ATP7B: variants seen among roughly 807,000 people sequenced by gnomAD.
ATP7B encodes ATPase copper transporting beta, also known as copper-transporting ATPase 2.
A neutral mutation model predicts 118.9 loss-of-function variants in ATP7B; 113 were observed. That is an observed-to-expected ratio of 0.95 (90% CI 0.82 to 1.11). The LOEUF (loss-of-function observed/expected upper bound fraction) is 1.11, where lower values mean the gene tolerates loss of function less well. Among genes scored for constraint, ATP7B ranks in the 50% most tolerant of loss-of-function variants. The pLI, the probability that ATP7B is intolerant of heterozygous loss-of-function variation, is 0.00. For synonymous variants in ATP7B, 777 were observed against 727.4 expected (o/e 1.07, Z -1.10); for missense variants, 1,867 against 1,871.4 (o/e 1.00, Z 0.04).
chr13:51,995,303 A>G, intron 1 of ATP7B: 1 of 985,338 alleles, frequency 1.0e-6, no homozygotes, highest in Non-Finnish European at 1.2e-6. Context: ...CCCATCTGCA[A>G]TTGCACTGAC....
At chr13:51,982,902 C>A (rs780933285) in intron 1 of ATP7B, among the ~76,000 whole-genome samples, 4 of 152,222 alleles carry the variant, frequency 2.6e-5, no homozygotes, top group Non-Finnish European at 5.9e-5. Flanking sequence ...ACTTTTCCCA[C>A]GGTCTTCACA....
chr13:52,003,566 G>A (rs528411453), intron 1 of ATP7B, among the ~76,000 whole-genome samples: 4 of 152,112 alleles, frequency 2.6e-5, no homozygotes, highest in African/African-American at 7.2e-5. Flanking sequence ...AGTATATGCT[G>A]TTACACAAAT....
In ATP7B at chr13:51,957,589, G is replaced by A. The variant is rs757244072; in HGVS notation, c.2374C>T (p.Leu792=). ...HLAKSKTSEA[L]AKLMSLQATE... ...GCTTGGAGAGACATGAGTTTAGCCA[G>A]GGCTTCTGAGGTTTTGCTCTAGGAA... Residue 792 remains leucine (L), a synonymous_variant, in exon 9 of 21, where the codon CTG becomes TTG. Transcript: ENST00000242839. 3.8e-5 allele frequency: 62 copies of A among 1,614,050 alleles called. No homozygotes were observed. The highest frequency in any genetic ancestry group is 5.3e-5 in the Non-Finnish European group (62 of 1,179,982).
intron 2 of ATP7B, among the ~76,000 whole-genome samples, chr13:51,972,607 C>T (rs1026360859): frequency 2.0e-5 from 3 of 152,170 alleles, no homozygotes; most frequent in Non-Finnish European, 4.4e-5. Context: ...CTTTCTCACC[C>T]GGCCTCCTAC....
chr13:52,011,579 G>T (rs770223177), upstream of ATP7B: 653 of 616,794 alleles, frequency 1.1e-3, 2 homozygotes, highest in Middle Eastern at 3.4e-3. Flanking sequence ...TCCCGACCTG[G>T]GGGCACGGGG....
At chr13:51,954,011 G>A (rs1958181418) in intron 9 of ATP7B, among the ~76,000 whole-genome samples, 1 of 152,174 alleles carries the variant, frequency 6.6e-6, no homozygotes, top group African/African-American at 2.4e-5. Context: ...CACCCGCCAT[G>A]TTTACATCCC....
In ATP7B at chr13:51,979,159, T is replaced by A. The variant is rs556144096; in HGVS notation, c.52-3991A>T. ...AAACCTCTGCTTGCATCACACTTGC[T>A]AACACCCATTGGCCAAAACCAGTCA... On this transcript the variant is annotated intron_variant, in intron 1 of 20. Coordinates refer to ENST00000242839, the MANE Select transcript of ATP7B (RefSeq NM_000053.4). Among the ~76,000 whole-genome samples, 28 of 152,336 alleles carry A rather than the reference T, an allele frequency of 1.8e-4. 1 individual carries two copies. The South Asian group carries it at 3.1e-3, about 17-fold the overall frequency.
rs1408529946 is a variant in ATP7B at position 51,934,720 on chromosome 13, G to A, written c.*36C>T. 6.2e-7 allele frequency: 1 copy of A among 1,610,080 alleles called. No individual in the cohort carries two copies. Among genetic ancestry groups the A allele is most frequent in the South Asian group, 1.1e-5 (1 of 90,906 alleles). On this transcript the variant is annotated 3_prime_UTR_variant, in exon 21 of 21. Coordinates refer to ENST00000242839, the MANE Select transcript of ATP7B (RefSeq NM_000053.4). ...TCCTGCTCAGCTTGTGGTGAGTGGA[G>A]GCAAGTCCCTGCCCCGGCCCGCCTG...
At chr13:52,007,315 G>C (rs1953820699) in intron 1 of ATP7B, among the ~76,000 whole-genome samples, 1 of 152,162 alleles carries the variant, frequency 6.6e-6, no homozygotes, top group Admixed American at 6.5e-5. Context: ...GGCAGGCCTG[G>C]CTAGGACTCA....
chr13:51,960,854 A>C (rs2139633375), intron 6 of ATP7B, among the ~76,000 whole-genome samples: 1 of 152,316 alleles, frequency 6.6e-6, no homozygotes, highest in South Asian at 2.1e-4. Context: ...GTCATGGCTG[A>C]CAGCTGTGGT....
chr13:51,945,765 G>A (rs950905224), intron 13 of ATP7B, among the ~76,000 whole-genome samples: 1 of 152,236 alleles, frequency 6.6e-6, no homozygotes, highest in African/African-American at 2.4e-5. Context: ...CGCAGTGAGT[G>A]CCCAGCAAAT....
intron 3 of ATP7B, among the ~76,000 whole-genome samples, chr13:51,969,752 C>T (rs1951748054): frequency 2.6e-5 from 4 of 152,154 alleles, no homozygotes; most frequent in African/African-American, 9.7e-5. Flanking sequence ...AACAAGGGAT[C>T]TCCTATTAAC....
rs372191499 is a variant in ATP7B at position 51,974,170 on chromosome 13, C to T, written c.1050G>A (p.Pro350=). 30 of 1,613,868 alleles carry T rather than the reference C, an allele frequency of 1.9e-5. No homozygotes were observed. The highest frequency in any genetic ancestry group is 3.3e-4 in the Middle Eastern group (2 of 6,084). ...SSSSHSPGSP[P]RNQVQGTCST... ...TGCATGTGCCCTGGACCTGGTTTCTCGGTGGGGAGCCAGGGGAATGAGAAC... is the reference window on the plus strand; with the variant it reads ...TGCATGTGCCCTGGACCTGGTTTCTTGGTGGGGAGCCAGGGGAATGAGAAC... Residue 350 remains proline (P), a synonymous_variant, in exon 2 of 21, where the codon CCG becomes CCA. Coordinates refer to ENST00000242839, the MANE Select transcript of ATP7B (RefSeq NM_000053.4).
intron 1 of ATP7B, among the ~76,000 whole-genome samples, chr13:51,977,514 A>G (rs968254438): frequency 5.3e-5 from 8 of 152,200 alleles, no homozygotes; most frequent in African/African-American, 1.7e-4. Flanking sequence ...TGGAGCTGTC[A>G]TCTCCTATAA....
At chr13:52,012,103 G>A (rs2140793382), upstream of ATP7B, 1 of 528,458 alleles carries the variant, frequency 1.9e-6, no homozygotes, top group African/African-American at 1.9e-5. Context: ...GGGGGCGCAG[G>A]CGCCCAGGCG....
Position 52,011,444 on chromosome 13 carries a change from G to T in ATP7B, c.-107C>A. 1 of 1,460,732 alleles carries T rather than the reference G, an allele frequency of 6.8e-7. No individual in the cohort carries two copies. The highest frequency in any genetic ancestry group is 9.5e-7 in the Non-Finnish European group (1 of 1,053,226). The allele number at this position is 1,460,732 out of a possible 1,614,324, so 90.5% of individuals were successfully genotyped here. On this transcript the variant is annotated 5_prime_UTR_variant, in exon 1 of 21. Coordinates refer to ENST00000242839, the MANE Select transcript of ATP7B (RefSeq NM_000053.4). ...AAAGTCCCGGGAGAGGAGGCGCAGAGTGTGAGGGCATCGGCGCGGCTCGGC... is the reference window on the plus strand; with the variant it reads ...AAAGTCCCGGGAGAGGAGGCGCAGATTGTGAGGGCATCGGCGCGGCTCGGC...
intron 15 of ATP7B, 116 bp from the exon 16 acceptor site, chr13:51,941,340 T>A: frequency 7.6e-7 from 1 of 1,311,900 alleles, no homozygotes; most frequent in Non-Finnish European, 1.1e-6. Context: ...AACTGTAACC[T>A]TGTAAGCACC....
At chr13:51,986,377 T>C (rs1338069262) in intron 1 of ATP7B, among the ~76,000 whole-genome samples, 1 of 152,190 alleles carries the variant, frequency 6.6e-6, no homozygotes, top group Admixed American at 6.5e-5. Context: ...AGAAGTCGAA[T>C]CCCTGAATAG....
At chr13:51,937,704 T>G (rs201803840) in intron 17 of ATP7B, 25 bp from the exon 18 acceptor site, 1 of 1,612,298 alleles carries the variant, frequency 6.2e-7, no homozygotes, top group Non-Finnish European at 8.5e-7. Flanking sequence ...AGGCAATGCC[T>G]AGTGTTGGCA....
Sources: allele counts gnomAD v4.1 joint callset (sites outside exome capture counted in the v4.1 genomes callset), GRCh38; gene constraint gnomAD v4.1.1; transcripts MANE v1.5; gene names NCBI Gene and HGNC (gene_info 2026-07-23, HGNC 2026-07-21).